The following FRMD1 variants were observed in gnomAD, a reference collection of about 807,000 sequenced individuals.
The protein encoded by FRMD1 is FERM domain-containing protein 1.
FRMD1 carries 51 observed loss-of-function variants against 54.9 expected under a neutral mutation model. That is an observed-to-expected ratio of 0.93 (90% CI 0.74 to 1.17). The LOEUF (loss-of-function observed/expected upper bound fraction) is 1.17. Ranked by LOEUF, FRMD1 falls within the 50% of genes most tolerant of loss-of-function variation. FRMD1 has a pLI of 0.00. For synonymous variants in FRMD1, 324 were observed against 306.4 expected (o/e 1.06, Z -0.60); for missense variants, 729 against 743.0 (o/e 0.98, Z 0.22).
chr6:168,078,630 AGCCTTGCTCACCCCCACGGCCACCCAGG>A (rs1800705014), intron 1 of FRMD1, among the ~76,000 whole-genome samples: 3 of 59,078 alleles, frequency 5.1e-5, no homozygotes, highest in Admixed American at 2.3e-4. Context: ...TCACCCCCAC[AGCCTTGCTCACCCCCACGGCCACCCAGG>A]GCCCTGCTCA....
rs908463975 is a variant in FRMD1, at chr6:168,059,955, C to T, written c.1343-767G>A. Among the ~76,000 whole-genome samples the T allele has an allele frequency of 2.6e-5, 4 of 151,906 alleles. No individual in the cohort carries two copies. The highest frequency in any genetic ancestry group is 4.4e-5 in the Non-Finnish European group (3 of 67,964). On this transcript the variant is annotated intron_variant, in intron 9 of 10. Coordinates refer to ENST00000283309, the MANE Select transcript of FRMD1 (RefSeq NM_024919.6). This position sits in a 1 kb window ranked among gnomAD's most constrained non-coding sequence, Gnocchi z 4.4. ...GAGTATAAAAAGACATGAGTCTAAC[C>T]CAGGCTTTCTGATGGGAGGGAAGCT...
At chr6:168,088,678 C>T (rs1246979930) in intron 1 of FRMD1, among the ~76,000 whole-genome samples, 1 of 152,096 alleles carries the variant, frequency 6.6e-6, no homozygotes, top group South Asian at 2.1e-4. Context: ...GTAGAGAGAA[C>T]CCCCAGGCTA....
intron 2 of FRMD1, among the ~76,000 whole-genome samples, chr6:168,068,093 T>C (rs955973916): frequency 2.6e-4 from 40 of 152,208 alleles, no homozygotes; most frequent in African/African-American, 8.9e-4. Context: ...GTGTGGGTGA[T>C]AAGAGTGTGA....
At chr6:168,063,203 C>T (rs534880375) in intron 6 of FRMD1, among the ~76,000 whole-genome samples, 3 of 152,306 alleles carry the variant, frequency 2.0e-5, no homozygotes, top group South Asian at 2.1e-4. Flanking sequence ...CTGGCCATGC[C>T]GGGCCCGGGG....
intron 2 of FRMD1, among the ~76,000 whole-genome samples, chr6:168,072,101 A>G (rs1800337213): frequency 6.6e-6 from 1 of 152,230 alleles, no homozygotes; most frequent in Non-Finnish European, 1.5e-5. Context: ...CCTGTCTGCA[A>G]TTCCCCAACA....
In FRMD1 at chr6:168,056,728, CTCTCCAGGG is replaced by C. The variant is rs1428695150; in HGVS notation, c.*360_*368del. ...ACAGTGTGGGAAACTGCAGAGCTGT[CTCTCCAGGG>C]TCTGGGCCCAGCTGTGTCACCTTCT... On this transcript the variant is annotated 3_prime_UTR_variant, in exon 11 of 11. Transcript: ENST00000283309. The C allele has an allele frequency of 5.1e-5, 9 of 177,046 alleles. No homozygotes were observed. The highest frequency in any genetic ancestry group is 8.3e-5 in the Non-Finnish European group (7 of 84,324). The allele number at this position is 177,046 out of a possible 1,614,324, so 11.0% of individuals were successfully genotyped here.
At chr6:168,067,092 C>T in intron 3 of FRMD1, 2 of 706,822 alleles carry the variant, frequency 2.8e-6, no homozygotes, top group Non-Finnish European at 5.1e-6. Flanking sequence ...CAGGGCTCAC[C>T]ACAGTCCCCC....
chr6:168,084,477 C>A (rs1279142968), upstream of FRMD1, among the ~76,000 whole-genome samples: 1 of 152,226 alleles, frequency 6.6e-6, no homozygotes, highest in Non-Finnish European at 1.5e-5. Context: ...ACAAATCCCA[C>A]AAAGAAGGGG....
chr6:168,062,915 G>C lies in FRMD1; in HGVS notation c.849C>G (p.Leu283=). 6.2e-7 allele frequency: 1 copy of C among 1,614,084 alleles called. No homozygotes were observed. The highest frequency in any genetic ancestry group is 8.5e-7 in the Non-Finnish European group (1 of 1,179,950). The change falls in exon 7 of 11, where the codon CTC becomes CTG. Residue 283 remains leucine, a synonymous_variant. Coordinates refer to ENST00000283309, the MANE Select transcript of FRMD1 (RefSeq NM_024919.6). ...TCACCTGGTAGATGTGCACTCCCCTGAGGGCCAGTCCCAGGATCACGGTGG... is the reference window on the plus strand; with the variant it reads ...TCACCTGGTAGATGTGCACTCCCCTCAGGGCCAGTCCCAGGATCACGGTGG... ...GRPTVILGLA[L]RGVHIYQGKK... is the part of the protein sequence containing the mutation.
At chr6:168,073,791 C>T (rs934535265) in intron 2 of FRMD1, among the ~76,000 whole-genome samples, 3 of 152,156 alleles carry the variant, frequency 2.0e-5, no homozygotes, top group African/African-American at 7.2e-5. Context: ...CAAGGCGCTG[C>T]AGACACTGGG....
chr6:168,060,949 AGGCAGTGGG>A lies in FRMD1; in HGVS notation c.1145_1153del (p.Pro382_Cys384del). 1 of 1,613,422 alleles carries A rather than the reference AGGCAGTGGG, an allele frequency of 6.2e-7. No homozygotes were observed. The highest frequency in any genetic ancestry group is 2.2e-5 in the East Asian group (1 of 44,862). ...GTGGCTGTCGGCGGAGTGGCGTGAG[AGGCAGTGGG>A]GGCAGTGCTGGCTGCTGACCCCACT... On this transcript the variant is annotated inframe_deletion, in exon 9 of 11. Coordinates refer to ENST00000283309, the MANE Select transcript of FRMD1 (RefSeq NM_024919.6).
At chr6:168,081,252 G>T, upstream of FRMD1, 2 of 1,160,990 alleles carry the variant, frequency 1.7e-6, no homozygotes, top group Non-Finnish European at 2.3e-6. Context: ...GCACTGAGGG[G>T]ACACCAGAAC....
chr6:168,091,896 G>GT (rs139733021), intron 1 of FRMD1, among the ~76,000 whole-genome samples: 1 of 151,952 alleles, frequency 6.6e-6, no homozygotes, highest in Non-Finnish European at 1.5e-5. Flanking sequence ...CTCCGGATCA[G>GT]GTGTCACTAG....
At chr6:168,068,966 AG>A (rs1320005768) in intron 2 of FRMD1, among the ~76,000 whole-genome samples, 1 of 152,214 alleles carries the variant, frequency 6.6e-6, no homozygotes, top group Non-Finnish European at 1.5e-5. Context: ...CGTTAGACCC[AG>A]GGGGAGGCTC....
chr6:168,060,911 T>G lies in FRMD1; in HGVS notation c.1192A>C (p.Thr398Pro). The change falls in exon 9 of 11, where the codon ACG (threonine) becomes CCG (proline). Residue 398 changes from threonine (T) to proline (P), a missense_variant. Thr to Pro is a conservative substitution (Grantham distance 38). Transcript: ENST00000283309. ...HSADSHGSSY[T>P]SGIKANSWLR... ...CAGGAGTTGGCCTTGATGCCTGACGTGTAGGAACTGCCGTGGCTGTCGGCG... is the reference window on the plus strand; with the variant it reads ...CAGGAGTTGGCCTTGATGCCTGACGGGTAGGAACTGCCGTGGCTGTCGGCG... 6.2e-7 allele frequency: 1 copy of G among 1,613,760 alleles called. No individual in the cohort carries two copies. Among genetic ancestry groups the G allele is most frequent in the Non-Finnish European group, 8.5e-7 (1 of 1,180,014 alleles).
intron 2 of FRMD1, among the ~76,000 whole-genome samples, chr6:168,067,705 C>T (rs559149169): frequency 6.6e-6 from 1 of 152,382 alleles, no homozygotes; most frequent in South Asian, 2.1e-4. Context: ...AAAACTGGCA[C>T]ATGCTCCGGG....
At chr6:168,081,030 C>T (rs13196228), upstream of FRMD1, among the ~76,000 whole-genome samples, 128,944 of 152,152 alleles carry the variant, frequency 0.85, 54,867 homozygotes, top group Non-Finnish European at 0.89. Context: ...CAAAGCAGGA[C>T]GTCCCTGGCC....
At chr6:168,075,518 A>G (rs2306943) in intron 1 of FRMD1, among the ~76,000 whole-genome samples, 183 bp from the exon 2 acceptor site, 130,063 of 151,930 alleles carry the variant, frequency 0.86, 55,884 homozygotes, top group Non-Finnish European at 0.9. Context: ...CCATCAGAGC[A>G]CCTGTGAGTG....
chr6:168,088,444 C>T (rs912496476), intron 1 of FRMD1, among the ~76,000 whole-genome samples: 3 of 152,208 alleles, frequency 2.0e-5, no homozygotes. Context: ...TTCCCCTCCA[C>T]CCAGAGGGCA....
Sources: gnomAD v4.1 joint callset for allele counts (sites outside exome capture counted in the v4.1 genomes callset) on GRCh38, gnomAD v4.1.1 for gene constraint, Gnocchi (gnomAD v3.1) non-coding constraint, MANE v1.5 for transcripts, NCBI Gene and HGNC (gene_info 2026-07-23, HGNC 2026-07-21) for gene names.